Variants in HSPH1 observed in about 807,000 individuals in gnomAD.
The protein encoded by HSPH1 is heat shock protein family H (Hsp110) member 1, also known as heat shock protein 105 kDa.
Under a neutral mutation model 100.0 loss-of-function variants are expected in HSPH1, and 40 were observed. The ratio of observed to expected loss-of-function variants is 0.40; its 90% CI spans 0.31 to 0.52. HSPH1 has a LOEUF of 0.52. HSPH1 is among the 20% of genes least tolerant of loss of function. The pLI, the probability that HSPH1 is intolerant of heterozygous loss-of-function variation, is 0.54. For missense variants in HSPH1, 876 were observed against 1,015.1 expected (o/e 0.86, Z 1.86); for synonymous variants, 403 against 344.0 (o/e 1.17, Z -1.90).
chr13:31,155,366 T>C lies in HSPH1; in HGVS notation c.306+148A>G, dbSNP rs1363877087. The C allele has an allele frequency of 7.9e-6, 4 of 508,866 alleles. No homozygotes were observed. The South Asian group carries it at 1.1e-4, about 14-fold the overall frequency. 31.5% of individuals were successfully genotyped at this position (508,866 alleles called of 1,614,324 possible). ...TAATATTCAAAGACAATTTAGCGTC[T>C]ATCTACTATACTTTAAAAGGAGCTG... On this transcript the variant is annotated intron_variant, in intron 3 of 17. Transcript: ENST00000320027.
chr13:31,161,517 G>GC lies in HSPH1; in HGVS notation c.65dup (p.Ile23HisfsTer7). ...TGAACTCATTGGCGATGGTCTCGAT[G>GC]CCCCCGGCCCGGGCTACCGCGATGT... On this transcript the variant is annotated frameshift_variant, in exon 1 of 18. Transcript: ENST00000320027. LOFTEE classifies it high-confidence loss of function. 6.2e-7 allele frequency: 1 copy of GC among 1,613,964 alleles called. No homozygotes were observed. The highest frequency in any genetic ancestry group is 2.2e-5 in the East Asian group (1 of 44,860).
Position 31,137,399 on chromosome 13 carries a change from G to A in HSPH1, c.2496C>T (p.Asn832=). The change falls in exon 18 of 18, where the codon AAC becomes AAT. Residue 832 remains asparagine (N), a synonymous_variant. Coordinates refer to ENST00000320027, the MANE Select transcript of HSPH1 (RefSeq NM_006644.4). ...GATGTGGAGGTTCAGCACCAAAATT[G>A]TTTTTGTCTTCTAAATCTTCTTCCT... ...DKKEEDLEDK[N]NFGAEPPHQN... is the part of the protein sequence containing the mutation. The A allele has an allele frequency of 6.2e-7, 1 of 1,613,320 alleles. No individual in the cohort carries two copies. The highest frequency in any genetic ancestry group is 1.1e-5 in the South Asian group (1 of 91,032).
chr13:31,160,202 C>A (rs1418957904), intron 1 of HSPH1, among the ~76,000 whole-genome samples: 1 of 152,184 alleles, frequency 6.6e-6, no homozygotes, highest in Non-Finnish European at 1.5e-5. Flanking sequence ...AAAGTATAAA[C>A]TGTATCTAGG....
In HSPH1 at chr13:31,145,446, C is replaced by T. The variant is rs955874276; in HGVS notation, c.1584+117G>A. The T allele has an allele frequency of 6.7e-6, 5 of 749,274 alleles. No homozygotes were observed. In the African/African-American group the frequency reaches 8.8e-5, roughly 13 times the overall value. 46.4% of individuals were successfully genotyped at this position (749,274 alleles called of 1,614,324 possible). On this transcript the variant is annotated intron_variant, in intron 11 of 17. Transcript: ENST00000320027. Reference sequence around the variant, plus strand: ...AGCGCTATTATCATTACCTAAAATTCTGATCAAAATTATTCATGAAGGAAA... The same window carrying T: ...AGCGCTATTATCATTACCTAAAATTTTGATCAAAATTATTCATGAAGGAAA...
In HSPH1 at chr13:31,140,855, T is replaced by C. The variant is rs1593181922; in HGVS notation, c.1854+267A>G. 1.1e-5 allele frequency: 3 copies of C among 279,804 alleles called. No homozygotes were observed. The East Asian group carries it at 1.9e-4, about 18-fold the overall frequency. The allele number at this position is 279,804 out of a possible 1,614,324, so 17.3% of individuals were successfully genotyped here. ...AGAAATATTTAGTGTGCCGTGAAAT[T>C]CCAACTGTACTGTGCTCTGTTATGA... On this transcript the variant is annotated intron_variant, in intron 13 of 17. Transcript: ENST00000320027.
rs1205404092 is a variant in HSPH1 at position 31,161,562 on chromosome 13, G to C, written c.21C>G (p.Asp7Glu). The C allele has an allele frequency of 1.2e-6, 2 of 1,613,530 alleles. No homozygotes were observed. Among genetic ancestry groups the C allele is most frequent in the South Asian group, 2.2e-5 (2 of 91,066 alleles). ...CGATGTAGCAGCTCTGCGAGCCCAC[G>C]TCCAACCCCACCACCGACATGGCCG... MSVVGL[D>E]VGSQSCYIAV... Residue 7 changes from aspartate (D) to glutamate (E), a missense_variant, in exon 1 of 18, where the codon GAC becomes GAG. Physicochemically the swap from Asp to Glu is conservative, Grantham distance 45. Coordinates refer to ENST00000320027, the MANE Select transcript of HSPH1 (RefSeq NM_006644.4).
At chr13:31,143,098 ACCAAGAGCAGG>A (rs1324440508) in intron 12 of HSPH1, among the ~76,000 whole-genome samples, 1 of 152,086 alleles carries the variant, frequency 6.6e-6, no homozygotes, top group Non-Finnish European at 1.5e-5. Context: ...AAACCAAACA[ACCAAGAGCAGG>A]CTAATTATTT....
Position 31,143,839 on chromosome 13 carries a change from A to C in HSPH1, c.1669T>G (p.Ser557Ala). 1 of 1,611,522 alleles carries C rather than the reference A, an allele frequency of 6.2e-7. No individual in the cohort carries two copies. Among genetic ancestry groups the C allele is most frequent in the Non-Finnish European group, 8.5e-7 (1 of 1,178,536 alleles). ...DAQQTSQSPPSPELTSEENKI... is the reference protein window; with the variant it reads ...DAQQTSQSPPAPELTSEENKI... ...TTTTCTTCTGAGGTAAGTTCAGGTG[A>C]AGGGGGAGACTGTGAGGTTTGTTGA... Residue 557 changes from serine (S) to alanine (A), a missense_variant, in exon 12 of 18, where the codon TCA (serine) becomes GCA (alanine). By Grantham distance (99) the Ser-to-Ala change is moderately conservative. Transcript: ENST00000320027.
intron 10 of HSPH1, among the ~76,000 whole-genome samples, chr13:31,146,846 A>G (rs191469369): frequency 1.4e-3 from 217 of 151,792 alleles, no homozygotes; most frequent in African/African-American, 4.9e-3. Flanking sequence ...TGAGTCAAAA[A>G]TAAGTATTTT....
chr13:31,157,759 C>A (rs1956750110), intron 2 of HSPH1, among the ~76,000 whole-genome samples: 1 of 152,136 alleles, frequency 6.6e-6, no homozygotes, highest in African/African-American at 2.4e-5. Flanking sequence ...TGCTGTTCAA[C>A]AGAATTATAT....
rs35594388 is a variant in HSPH1, at chr13:31,148,483, TAA to T, written c.1138-5_1138-4del. 118,540 of 963,100 alleles carry T rather than the reference TAA, an allele frequency of 0.12. 2 individuals carry two copies. The highest frequency in any genetic ancestry group is 0.13 in the Non-Finnish European group (95,482 of 710,890). The allele number at this position is 963,100 out of a possible 1,614,324, so 59.7% of individuals were successfully genotyped here. A position where few individuals can be genotyped will look rare whatever the true frequency, so the allele number is the denominator to read the frequency against. On this transcript the variant is annotated splice_polypyrimidine_tract_variant and splice_region_variant and intron_variant, in intron 8 of 17. Transcript: ENST00000320027. ...AATGCCGGGGAAAGTATTGCACACT[TAA>T]AAAAAAAAAAAAAAATCATGAGCAC... is the stretch of plus-strand genomic sequence containing the variant.
At chr13:31,151,518 C>G in intron 6 of HSPH1, 91 bp downstream of exon 6, 2 of 1,216,782 alleles carry the variant, frequency 1.6e-6, no homozygotes, top group Non-Finnish European at 2.3e-6. Context: ...TCTTCATTAC[C>G]AAGAAGAAAA....
chr13:31,157,345 C>T (rs780956196), intron 2 of HSPH1, among the ~76,000 whole-genome samples: 7 of 152,146 alleles, frequency 4.6e-5, no homozygotes, highest in Non-Finnish European at 1.0e-4. Context: ...TTGAGTGTGC[C>T]TATTTCTCCT....
chr13:31,154,612 G>T, intron 4 of HSPH1, 21 bp downstream of exon 4: 1 of 1,613,670 alleles, frequency 6.2e-7, no homozygotes, highest in Non-Finnish European at 8.5e-7. Flanking sequence ...AAAACACACT[G>T]CCTTGCTGAA....
chr13:31,148,167 G>T (rs995265754), intron 9 of HSPH1, 75 bp from the exon 10 acceptor site: 1 of 1,416,554 alleles, frequency 7.1e-7, no homozygotes, highest in African/African-American at 1.5e-5. Flanking sequence ...AAACAGAAAA[G>T]AGGCTTTCTA....
chr13:31,142,302 G>T (rs1956125065), intron 12 of HSPH1, among the ~76,000 whole-genome samples: 1 of 152,086 alleles, frequency 6.6e-6, no homozygotes, highest in South Asian at 2.1e-4. Context: ...GATGGAATTA[G>T]ATCCCACGTT....
At position 31,148,227 on chromosome 13, in the gene HSPH1, A is replaced by G. The variant is rs1956340261; in HGVS notation, c.1245-135T>C. The G allele has an allele frequency of 4.5e-6, 5 of 1,106,788 alleles. No homozygotes were observed. In the African/African-American group the frequency reaches 6.4e-5, roughly 14 times the overall value. 68.6% of individuals were successfully genotyped at this position (1,106,788 alleles called of 1,614,324 possible). On this transcript the variant is annotated intron_variant, in intron 9 of 17. Transcript: ENST00000320027. ...CATTTACAATACCAAAATGAGAGAA[A>G]TATTTTGGTAGATTTGGTTGTTCAA... is the stretch of plus-strand genomic sequence containing the variant.
At chr13:31,140,553 T>TACAAA (rs1555232810) in intron 13 of HSPH1, 4 of 157,698 alleles carry the variant, frequency 2.5e-5, no homozygotes, top group Non-Finnish European at 3.9e-5. Context: ...TATTTAATGC[T>TACAAA]AAAAAAAAAA....
intron 10 of HSPH1, among the ~76,000 whole-genome samples, chr13:31,146,646 A>G (rs1406408720): frequency 6.6e-6 from 1 of 152,198 alleles, no homozygotes; most frequent in Non-Finnish European, 1.5e-5. Context: ...GTGGGGTTCC[A>G]GAACATTACT....
Sources: gnomAD v4.1 joint callset for allele counts (sites outside exome capture counted in the v4.1 genomes callset) on GRCh38, gnomAD v4.1.1 for gene constraint, MANE v1.5 for transcripts, NCBI Gene and HGNC (gene_info 2026-07-23, HGNC 2026-07-21) for gene names.